Variants in TSPAN9 observed in about 807,000 individuals in gnomAD.
TSPAN9 encodes the protein tetraspanin-9.
In TSPAN9, 16 loss-of-function variants were observed where a neutral mutation model predicts 31.0. That is an observed-to-expected ratio of 0.52 (90% CI 0.35 to 0.78). The LOEUF is 0.78. Among genes scored for constraint, TSPAN9 ranks in the 30% least tolerant of loss-of-function variants. The pLI is 0.01. For synonymous variants in TSPAN9, 145 were observed against 121.6 expected (o/e 1.19, Z -1.27); for missense variants, 272 against 312.5 (o/e 0.87, Z 0.98).
intron 3 of TSPAN9, among the ~76,000 whole-genome samples, chr12:3,207,292 C>G (rs560240097): frequency 1.4e-4 from 21 of 152,232 alleles, no homozygotes; most frequent in African/African-American, 4.3e-4. Flanking sequence ...TTTCTCCCCC[C>G]TTTCCAGCCT....
At chr12:3,160,035 A>G (rs2098344204) in intron 2 of TSPAN9, among the ~76,000 whole-genome samples, 1 of 152,204 alleles carries the variant, frequency 6.6e-6, no homozygotes, top group Admixed American at 6.5e-5. Flanking sequence ...TGAACATGTT[A>G]TCACCTCAGA....
rs552650939 is a variant in TSPAN9 at position 3,174,784 on chromosome 12, G to A, written c.-17-26393G>A. 1.6e-3 allele frequency among the ~76,000 whole-genome samples: 235 copies of A among 149,054 alleles called. 1 individual carries two copies. The highest frequency in any genetic ancestry group is 2.4e-3 in the Non-Finnish European group (162 of 66,698). ...TTTTTAGTAGAGACGGGGTTTCACCGTGTTAGCCAGGATGGTCTCGATCTC... is the reference window on the plus strand; with the variant it reads ...TTTTTAGTAGAGACGGGGTTTCACCATGTTAGCCAGGATGGTCTCGATCTC... On this transcript the variant is annotated intron_variant, in intron 2 of 8. Coordinates refer to ENST00000011898, the MANE Select transcript of TSPAN9 (RefSeq NM_006675.5).
At chr12:3,174,846 T>C (rs1483064620) in intron 2 of TSPAN9, among the ~76,000 whole-genome samples, 4 of 151,926 alleles carry the variant, frequency 2.6e-5, no homozygotes, top group Admixed American at 6.6e-5. Flanking sequence ...CCTCCCAAAG[T>C]GCTGGGATTA....
intron 3 of TSPAN9, chr12:3,206,339 G>C (rs752520128): frequency 4.4e-6 from 2 of 455,952 alleles, no homozygotes; most frequent in Non-Finnish European, 8.8e-6. Context: ...CAGTTTTCTC[G>C]TGCCAGGAAG....
chr12:3,192,054 T>C lies in TSPAN9; in HGVS notation c.-17-9123T>C, dbSNP rs2098364684. Among the ~76,000 whole-genome samples, 1 of 151,994 alleles carries C rather than the reference T, an allele frequency of 6.6e-6. No homozygotes were observed. The highest frequency in any genetic ancestry group is 6.6e-5 in the Admixed American group (1 of 15,250). On this transcript the variant is annotated intron_variant, in intron 2 of 8. Coordinates refer to ENST00000011898, the MANE Select transcript of TSPAN9 (RefSeq NM_006675.5). This position sits in a 1 kb window ranked among gnomAD's most constrained non-coding sequence, Gnocchi z 4.6. ...GAGGGAACAGCATGGGCGGAGGCTCTGAGGAGGTCAGAGCACCGAGAGTTC... is the reference window on the plus strand; with the variant it reads ...GAGGGAACAGCATGGGCGGAGGCTCCGAGGAGGTCAGAGCACCGAGAGTTC...
chr12:3,200,711 T>C (rs1341956090), intron 2 of TSPAN9: 1 of 152,584 alleles, frequency 6.6e-6, no homozygotes, highest in Non-Finnish European at 1.5e-5. Context: ...CGCAGAGCCC[T>C]CCCGGGGCCG....
chr12:3,249,567 C>T lies in TSPAN9; in HGVS notation c.64-28854C>T, dbSNP rs57745580. ...TACCTTGGTCGTCTGTGCCCATGCCCGACGTTCCTGAGGGCCGAGCCCATG... is the reference window on the plus strand; with the variant it reads ...TACCTTGGTCGTCTGTGCCCATGCCTGACGTTCCTGAGGGCCGAGCCCATG... On this transcript the variant is annotated intron_variant, in intron 3 of 8. Coordinates refer to ENST00000011898, the MANE Select transcript of TSPAN9 (RefSeq NM_006675.5). Among the ~76,000 whole-genome samples the T allele has an allele frequency of 4.8e-3, 725 of 152,316 alleles. 7 individuals are homozygous for T. Among genetic ancestry groups the T allele is most frequent in the African/African-American group, 0.016 (675 of 41,562 alleles).
At chr12:3,175,015 G>A (rs1168305249) in intron 2 of TSPAN9, among the ~76,000 whole-genome samples, 1 of 152,222 alleles carries the variant, frequency 6.6e-6, no homozygotes, top group Non-Finnish European at 1.5e-5. Flanking sequence ...GAGGTGGCCA[G>A]GTGAACTGGT....
intron 3 of TSPAN9, among the ~76,000 whole-genome samples, chr12:3,233,398 C>T (rs2098391809): frequency 6.6e-6 from 1 of 152,228 alleles, no homozygotes; most frequent in African/African-American, 2.4e-5. Context: ...GTCCCATCCC[C>T]TGGCGGAGGG....
At chr12:3,251,422 A>T (rs376466852) in intron 3 of TSPAN9, among the ~76,000 whole-genome samples, 2 of 146,846 alleles carry the variant, frequency 1.4e-5, no homozygotes, top group South Asian at 2.1e-4. Flanking sequence ...AATGATGGTC[A>T]TGTCTGAGAG....
chr12:3,222,164 G>A (rs2098384912), intron 3 of TSPAN9, among the ~76,000 whole-genome samples: 1 of 152,118 alleles, frequency 6.6e-6, no homozygotes, highest in African/African-American at 2.4e-5. Context: ...CTTTTACTAT[G>A]CTCAAGGCAC....
chr12:3,088,164 C>G lies in TSPAN9; in HGVS notation c.-18+4445C>G, dbSNP rs1456305201. ...GTTTTAGAGAAAATGAGGTAGAGGT[C>G]TGGGCTTGCAATTTTCCACTTGTCT... On this transcript the variant is annotated intron_variant, in intron 2 of 8. Transcript: ENST00000011898. 5.3e-5 allele frequency among the ~76,000 whole-genome samples: 8 copies of G among 152,324 alleles called. 1 individual carries two copies. Among genetic ancestry groups the G allele is most frequent in the Non-Finnish European group, 2.9e-5 (2 of 68,032 alleles).
Position 3,179,137 on chromosome 12 carries a change from C to T in TSPAN9, c.-17-22040C>T, listed in dbSNP as rs371097889. Among the ~76,000 whole-genome samples, 13 of 152,224 alleles carry T rather than the reference C, an allele frequency of 8.5e-5. No homozygotes were observed. In the South Asian group the frequency reaches 1.2e-3, roughly 15 times the overall value. ...CTGGAAATAGGCTGCGGGGCCCGGC[C>T]GAGAGGGCTCATTGTTTGTGGCAAC... On this transcript the variant is annotated intron_variant, in intron 2 of 8. Transcript: ENST00000011898.
chr12:3,123,102 G>A (rs1050773408), intron 2 of TSPAN9, among the ~76,000 whole-genome samples: 5 of 152,174 alleles, frequency 3.3e-5, no homozygotes, highest in African/African-American at 7.2e-5. Flanking sequence ...GGTCTGTCCA[G>A]CTGTTTCCTC....
chr12:3,186,286 C>T (rs932351369), intron 2 of TSPAN9, among the ~76,000 whole-genome samples: 1 of 152,158 alleles, frequency 6.6e-6, no homozygotes, highest in Non-Finnish European at 1.5e-5. Context: ...TTTGGGAATA[C>T]AGCAGTAAGT....
chr12:3,109,315 T>TGAGA (rs2098316991), intron 2 of TSPAN9, among the ~76,000 whole-genome samples: 2 of 122,568 alleles, frequency 1.6e-5, no homozygotes, highest in Admixed American at 1.5e-4. Flanking sequence ...AGAGTGTGTG[T>TGAGA]GTGTGTGTGT....
chr12:3,281,812 A>G lies in TSPAN9; in HGVS notation c.643A>G (p.Met215Val), dbSNP rs1862900990. 1.2e-6 allele frequency: 2 copies of G among 1,613,974 alleles called. No homozygotes were observed. The highest frequency in any genetic ancestry group is 1.7e-5 in the Admixed American group (1 of 60,002). Residue 215 changes from methionine to valine, a missense_variant, in exon 8 of 9, where the codon ATG (methionine) becomes GTG (valine). Coordinates refer to ENST00000011898, the MANE Select transcript of TSPAN9 (RefSeq NM_006675.5). ...CACGGTGGGGATGTGCATCCTCATCATGCAGGTAAGAGGGGCGTCCCCAGC... is the reference window on the plus strand; with the variant it reads ...CACGGTGGGGATGTGCATCCTCATCGTGCAGGTAAGAGGGGCGTCCCCAGC... ...LGTVGMCILI[M>V]QILGMAFSMT... is the part of the protein sequence containing the mutation.
chr12:3,279,224 G>C (rs1283302539), intron 5 of TSPAN9, among the ~76,000 whole-genome samples, 158 bp downstream of exon 5: 3 of 152,318 alleles, frequency 2.0e-5, no homozygotes, highest in Non-Finnish European at 4.4e-5. Context: ...AGCTACCAAG[G>C]AAAGAGCAGA....
In TSPAN9 at chr12:3,143,455, C is replaced by T. The variant is rs2098335803; in HGVS notation, c.-17-57722C>T. On this transcript the variant is annotated intron_variant, in intron 2 of 8. Coordinates refer to ENST00000011898, the MANE Select transcript of TSPAN9 (RefSeq NM_006675.5). This position sits in a 1 kb window ranked among gnomAD's most constrained non-coding sequence, Gnocchi z 4.2. ...TGCCTAATGGTAATTTTCTGTTTCC[C>T]TCATTTCTTCTGCATTTATTAATTG... Among the ~76,000 whole-genome samples, 2 of 151,700 alleles carry T rather than the reference C, an allele frequency of 1.3e-5. No homozygotes were observed. The highest frequency in any genetic ancestry group is 4.1e-4 in the South Asian group (2 of 4,822).
Sources: gnomAD v4.1 joint callset for allele counts (sites outside exome capture counted in the v4.1 genomes callset) on GRCh38, gnomAD v4.1.1 for gene constraint, Gnocchi (gnomAD v3.1) non-coding constraint, MANE v1.5 for transcripts, NCBI Gene and HGNC (gene_info 2026-07-23, HGNC 2026-07-21) for gene names.